MMS22L: variants seen among roughly 807,000 people sequenced by gnomAD.
MMS22L encodes the protein MMS22 like, DNA repair protein, also known as protein MMS22-like.
Under a neutral mutation model 159.1 loss-of-function variants are expected in MMS22L, and 74 were observed. The ratio of observed to expected loss-of-function variants is 0.47; its 90% CI spans 0.39 to 0.56. The LOEUF (loss-of-function observed/expected upper bound fraction) is 0.56, where lower values mean the gene tolerates loss of function less well. Among genes scored for constraint, MMS22L ranks in the 20% least tolerant of loss-of-function variants. The pLI, the probability that MMS22L is intolerant of heterozygous loss-of-function variation, is 0.00. For missense variants in MMS22L, 1,351 were observed against 1,422.1 expected (o/e 0.95, Z 0.80); for synonymous variants, 517 against 506.9 (o/e 1.02, Z -0.27).
intron 11 of MMS22L, among the ~76,000 whole-genome samples, chr6:97,235,169 G>T (rs1811266363): frequency 6.6e-6 from 1 of 152,160 alleles, no homozygotes; most frequent in South Asian, 2.1e-4. Context: ...CTATAAGACT[G>T]AAACTTTAAA....
intron 20 of MMS22L, among the ~76,000 whole-genome samples, chr6:97,167,603 A>G (rs1803095084): frequency 6.6e-6 from 1 of 152,128 alleles, no homozygotes; most frequent in Non-Finnish European, 1.5e-5. Flanking sequence ...GATGGAATAT[A>G]AAGCCCTCCA....
intron 14 of MMS22L, among the ~76,000 whole-genome samples, chr6:97,219,673 G>C (rs1809413958): frequency 6.6e-6 from 1 of 152,136 alleles, no homozygotes; most frequent in African/African-American, 2.4e-5. Context: ...AAATGAAAGA[G>C]GGTGATCTGA....
chr6:97,233,162 C>T (rs1331699989), intron 12 of MMS22L, among the ~76,000 whole-genome samples: 1 of 152,052 alleles, frequency 6.6e-6, no homozygotes, highest in East Asian at 1.9e-4. Flanking sequence ...ACATTATCTT[C>T]AACCCTTCAT....
rs9387169 is a variant in MMS22L at position 97,202,907 on chromosome 6, T to C, written c.2040-16217A>G. ...TAATCAAGGGATGATCAGGTTAAGATGACTACTGGTCATTAATGTTGGCAG... is the reference window on the plus strand; with the variant it reads ...TAATCAAGGGATGATCAGGTTAAGACGACTACTGGTCATTAATGTTGGCAG... On this transcript the variant is annotated intron_variant, in intron 14 of 24. Transcript: ENST00000683635. Among the ~76,000 whole-genome samples, 278 of 152,344 alleles carry C rather than the reference T, an allele frequency of 1.8e-3. 8 individuals are homozygous for C. In the East Asian group the frequency reaches 0.052, roughly 28 times the overall value.
At position 97,143,723 on chromosome 6, in the gene MMS22L, A is replaced by G. The variant is rs17454434; in HGVS notation, c.*3083T>C. 0.017 allele frequency: 2,553 copies of G among 152,296 alleles called. 38 individuals are homozygous for G. The highest frequency in any genetic ancestry group is 0.075 in the South Asian group (359 of 4,816). The allele number at this position is 152,296 out of a possible 1,614,324, so 9.4% of individuals were successfully genotyped here. Reference sequence around the variant, plus strand: ...TTTCAAGGCTAAATAACTTAGGACAATAGTGTATTCCCTGGGTAGAAAATG... The same window carrying G: ...TTTCAAGGCTAAATAACTTAGGACAGTAGTGTATTCCCTGGGTAGAAAATG... On this transcript the variant is annotated 3_prime_UTR_variant, in exon 25 of 25. Transcript: ENST00000683635.
chr6:97,242,929 T>C (rs537726649), intron 11 of MMS22L, among the ~76,000 whole-genome samples: 2 of 152,240 alleles, frequency 1.3e-5, no homozygotes, highest in Non-Finnish European at 2.9e-5. Context: ...GCTTGTATTC[T>C]GCTAAAATAG....
intron 14 of MMS22L, among the ~76,000 whole-genome samples, chr6:97,201,667 A>G (rs1193179996): frequency 1.3e-5 from 2 of 152,234 alleles, no homozygotes; most frequent in Admixed American, 1.3e-4. Flanking sequence ...TGTGGGAAGC[A>G]ATATCTAGGT....
intron 3 of MMS22L, 73 bp downstream of exon 3, chr6:97,281,164 G>C: frequency 6.9e-7 from 1 of 1,447,160 alleles, no homozygotes; most frequent in Non-Finnish European, 9.3e-7. Flanking sequence ...ATCAGTATTA[G>C]AAGCCACCCA....
intron 20 of MMS22L, among the ~76,000 whole-genome samples, chr6:97,166,625 T>C (rs1235883603): frequency 6.6e-6 from 1 of 151,796 alleles, no homozygotes; most frequent in Non-Finnish European, 1.5e-5. Context: ...TTTCTGAAAA[T>C]TCCGAAGAGG....
intron 16 of MMS22L, among the ~76,000 whole-genome samples, chr6:97,180,125 G>A (rs1028351393): frequency 6.6e-6 from 1 of 150,994 alleles, no homozygotes; most frequent in Non-Finnish European, 1.5e-5. Flanking sequence ...TTTTTGAGAC[G>A]GAGTCTCGCT....
chr6:97,192,466 C>T (rs1805989843), intron 14 of MMS22L, among the ~76,000 whole-genome samples: 1 of 152,116 alleles, frequency 6.6e-6, no homozygotes, highest in South Asian at 2.1e-4. Context: ...CTCTATGGAG[C>T]TGCTAAAGCA....
chr6:97,193,559 T>C (rs1394049362), intron 14 of MMS22L, among the ~76,000 whole-genome samples: 1 of 152,156 alleles, frequency 6.6e-6, no homozygotes, highest in African/African-American at 2.4e-5. Flanking sequence ...AAGGATCCAC[T>C]TCCTTGTTAT....
In MMS22L at chr6:97,162,004, T is replaced by G; in HGVS notation, c.3383A>C (p.Gln1128Pro). The G allele has an allele frequency of 1.2e-6, 2 of 1,606,436 alleles. No individual in the cohort carries two copies. Among genetic ancestry groups the G allele is most frequent in the South Asian group, 2.2e-5 (2 of 88,946 alleles). Residue 1128 changes from glutamine (Q) to proline (P), a missense_variant and splice_region_variant, in exon 22 of 25, where the codon CAA (glutamine) becomes CCA (proline). Gln to Pro is a moderately conservative substitution (Grantham distance 76, BLOSUM62 -1). Coordinates refer to ENST00000683635, the MANE Select transcript of MMS22L (RefSeq NM_001350599.2). Reference sequence around the variant, plus strand: ...CAAAAATAAGCTTACAAACAAACCTTGTGGTTCACTGACTAACACCAAGCA... The same window carrying G: ...CAAAAATAAGCTTACAAACAAACCTGGTGGTTCACTGACTAACACCAAGCA... ...LKCLVLVSEP[Q>P]VKRLATENLQ... is the part of the protein sequence containing the mutation.
intron 9 of MMS22L, 101 bp downstream of exon 9, chr6:97,263,231 CTTA>C (rs1489231769): frequency 5.7e-6 from 4 of 697,896 alleles, no homozygotes; most frequent in Non-Finnish European, 9.7e-6. Context: ...TTATTATTGC[CTTA>C]TTATAAAAAA....
intron 21 of MMS22L, among the ~76,000 whole-genome samples, chr6:97,162,522 T>A (rs1007570217): frequency 6.6e-6 from 1 of 151,974 alleles, no homozygotes; most frequent in Non-Finnish European, 1.5e-5. Context: ...GGGTCCTCAA[T>A]GCCGCAACAT....
intron 11 of MMS22L, among the ~76,000 whole-genome samples, chr6:97,240,923 G>A (rs560797851): frequency 3.4e-4 from 51 of 152,180 alleles, no homozygotes; most frequent in African/African-American, 1.1e-3. Flanking sequence ...CACCACACCC[G>A]GCCTGTACCC....
At chr6:97,188,988 A>G (rs1170706021) in intron 14 of MMS22L, among the ~76,000 whole-genome samples, 1 of 151,394 alleles carries the variant, frequency 6.6e-6, no homozygotes, top group South Asian at 2.1e-4. Flanking sequence ...TAATAATAAT[A>G]AATAAAATAA....
At chr6:97,269,799 G>C in intron 7 of MMS22L, 103 bp downstream of exon 7, 1 of 790,618 alleles carries the variant, frequency 1.3e-6, no homozygotes, top group African/African-American at 1.8e-5. Flanking sequence ...TTTACTATTT[G>C]ATTTTTTTTT....
At position 97,278,832 on chromosome 6, in the gene MMS22L, A is replaced by G; in HGVS notation, c.340+17T>C. 6.2e-7 allele frequency: 1 copy of G among 1,610,072 alleles called. No individual in the cohort carries two copies. Among genetic ancestry groups the G allele is most frequent in the Non-Finnish European group, 8.5e-7 (1 of 1,177,646 alleles). ...GAAGCACCATTCCCTTTTGCATTAA[A>G]CACACCTTAAACTTACCAAAATCAC... On this transcript the variant is annotated intron_variant, in intron 4 of 24. Transcript: ENST00000683635.
Sources: allele counts gnomAD v4.1 joint callset (sites outside exome capture counted in the v4.1 genomes callset), GRCh38; gene constraint gnomAD v4.1.1; transcripts MANE v1.5; gene names NCBI Gene and HGNC (gene_info 2026-07-23, HGNC 2026-07-21).